The following RAI14 variants were observed in gnomAD, a reference collection of about 807,000 sequenced individuals.
RAI14 encodes retinoic acid induced 14.
RAI14 carries 45 observed loss-of-function variants against 115.4 expected under a neutral mutation model. The observed-to-expected ratio is 0.39, with a 90% CI of 0.31 to 0.50. The LOEUF (loss-of-function observed/expected upper bound fraction) is 0.50. Among genes scored for constraint, RAI14 ranks in the 20% least tolerant of loss-of-function variants. RAI14 has a pLI of 0.85. For synonymous variants in RAI14, 371 were observed against 415.4 expected (o/e 0.89, Z 1.30); for missense variants, 939 against 1,131.2 (o/e 0.83, Z 2.44).
chr5:34,686,821 A>G lies in RAI14; in HGVS notation c.-48-51A>G. 4.8e-6 allele frequency: 6 copies of G among 1,245,210 alleles called. No individual in the cohort carries two copies. The South Asian group carries it at 6.5e-5, about 14-fold the overall frequency. The allele number at this position is 1,245,210 out of a possible 1,614,324, so 77.1% of individuals were successfully genotyped here. ...TGACCCAAGTTGTAATCCAATCAGG[A>G]GAGAATACCTTATTTGGAAACCTAC... On this transcript the variant is annotated intron_variant, in intron 1 of 17. Coordinates refer to ENST00000265109, the MANE Select transcript of RAI14 (RefSeq NM_015577.3).
chr5:34,801,062 GT>G (rs1464904518), intron 4 of RAI14, among the ~76,000 whole-genome samples: 1 of 152,206 alleles, frequency 6.6e-6, no homozygotes. Flanking sequence ...CTCATACACA[GT>G]TATGCTTCAT....
chr5:34,685,207 C>T (rs1312579615), intron 1 of RAI14: 1 of 145,816 alleles, frequency 6.9e-6, no homozygotes, highest in East Asian at 1.9e-4. Flanking sequence ...TATAGTGAGA[C>T]CCCATTCGCC....
rs1183364462 is a variant in RAI14, at chr5:34,687,596, AT to A, written c.36+648del. The A allele has an allele frequency of 6.6e-6, 10 of 1,515,630 alleles. No homozygotes were observed. In the East Asian group the frequency reaches 9.9e-5, roughly 15 times the overall value. The allele number at this position is 1,515,630 out of a possible 1,614,324, so 93.9% of individuals were successfully genotyped here. On this transcript the variant is annotated intron_variant, in intron 2 of 17. Coordinates refer to ENST00000265109, the MANE Select transcript of RAI14 (RefSeq NM_015577.3). ...TAGCAGAGGGGTTGTACACGATAAT[AT>A]TTTTTTAAAAGGTCACCCCATAAAC...
intron 2 of RAI14, among the ~76,000 whole-genome samples, chr5:34,729,317 C>G (rs1743884307): frequency 6.6e-6 from 1 of 152,160 alleles, no homozygotes; most frequent in African/African-American, 2.4e-5. Flanking sequence ...CCACTGCCCT[C>G]CAGCCTGAGT....
intron 1 of RAI14, among the ~76,000 whole-genome samples, chr5:34,680,490 C>T (rs1373553599): frequency 6.6e-6 from 1 of 152,188 alleles, no homozygotes; most frequent in African/African-American, 2.4e-5. Context: ...ACCCTCATGA[C>T]CCAATCATTC....
At chr5:34,670,922 A>G (rs1351845091) in intron 1 of RAI14, among the ~76,000 whole-genome samples, 2 of 152,212 alleles carry the variant, frequency 1.3e-5, no homozygotes, top group Non-Finnish European at 1.5e-5. Context: ...AGCATGAAGC[A>G]ATGGTATAGT....
rs1407353886 is a variant in RAI14, at chr5:34,774,375, TAAAC to T, written c.167+16789_167+16792del. ...GACAGAGTGAGACTCTGCACAAAAA[TAAAC>T]AAACAAACAAAAAAACTGATAAGCA... On this transcript the variant is annotated intron_variant, in intron 3 of 17. Coordinates refer to ENST00000265109, the MANE Select transcript of RAI14 (RefSeq NM_015577.3). Among the ~76,000 whole-genome samples the T allele has an allele frequency of 1.2e-4, 18 of 151,540 alleles. 1 individual carries two copies. The highest frequency in any genetic ancestry group is 8.4e-4 in the South Asian group (4 of 4,756).
chr5:34,709,781 G>A (rs1187941868), intron 2 of RAI14, among the ~76,000 whole-genome samples: 1 of 152,154 alleles, frequency 6.6e-6, no homozygotes, highest in Non-Finnish European at 1.5e-5. Flanking sequence ...AAAATGTTTA[G>A]AAGCACTGAT....
At chr5:34,722,928 A>G (rs944066652) in intron 2 of RAI14, among the ~76,000 whole-genome samples, 3 of 151,474 alleles carry the variant, frequency 2.0e-5, no homozygotes, top group African/African-American at 4.9e-5. Flanking sequence ...AAATGTATAA[A>G]TAAATTAAAA....
intron 4 of RAI14, among the ~76,000 whole-genome samples, chr5:34,798,434 C>A (rs866649331): frequency 4.6e-5 from 7 of 151,784 alleles, no homozygotes; most frequent in Non-Finnish European, 4.4e-5. Context: ...AGTTCCTACT[C>A]CTATCAGAAA....
At chr5:34,709,629 C>T (rs1366769948) in intron 2 of RAI14, among the ~76,000 whole-genome samples, 1 of 152,212 alleles carries the variant, frequency 6.6e-6, no homozygotes, top group East Asian at 1.9e-4. Flanking sequence ...CTTAACCCCA[C>T]TGCACATTAA....
intron 3 of RAI14, among the ~76,000 whole-genome samples, chr5:34,779,730 A>G (rs1234311962): frequency 6.6e-6 from 1 of 152,244 alleles, no homozygotes; most frequent in Admixed American, 6.5e-5. Flanking sequence ...GGACACAAAC[A>G]AATGGAAGAA....
intron 2 of RAI14, among the ~76,000 whole-genome samples, chr5:34,700,200 T>C (rs1739883210): frequency 6.6e-6 from 1 of 152,218 alleles, no homozygotes; most frequent in South Asian, 2.1e-4. Flanking sequence ...GAAGGTTTGG[T>C]GCACAGTTTT....
At chr5:34,756,177 T>C (rs1747853075) in intron 2 of RAI14, among the ~76,000 whole-genome samples, 1 of 152,180 alleles carries the variant, frequency 6.6e-6, no homozygotes, top group Admixed American at 6.5e-5. Flanking sequence ...GACTGAGACA[T>C]CTGATGGACA....
chr5:34,657,980 A>C (rs537572036), intron 1 of RAI14, among the ~76,000 whole-genome samples: 1 of 152,304 alleles, frequency 6.6e-6, no homozygotes, highest in South Asian at 2.1e-4. Context: ...TGGGTTTGTA[A>C]GACAGTTGAT....
chr5:34,750,856 T>TTTTTTG (rs1413409315), intron 2 of RAI14, among the ~76,000 whole-genome samples: 1 of 142,498 alleles, frequency 7.0e-6, no homozygotes, highest in African/African-American at 2.7e-5. Flanking sequence ...TCATTTTTTT[T>TTTTTTG]TTTTTTTTTT....
intron 2 of RAI14, among the ~76,000 whole-genome samples, chr5:34,714,812 C>T (rs141895773): frequency 7.9e-4 from 120 of 152,250 alleles, no homozygotes; most frequent in African/African-American, 2.8e-3. Context: ...TTAAGATTAG[C>T]ATTGCAGTAG....
chr5:34,759,587 G>A (rs1748354959), intron 3 of RAI14, among the ~76,000 whole-genome samples: 2 of 152,110 alleles, frequency 1.3e-5, no homozygotes, highest in African/African-American at 2.4e-5. Flanking sequence ...ATCTGTCAGT[G>A]TCTCCCATCA....
At chr5:34,777,446 A>G (rs1751004598) in intron 3 of RAI14, among the ~76,000 whole-genome samples, 1 of 152,152 alleles carries the variant, frequency 6.6e-6, no homozygotes. Context: ...ACATGTTCTC[A>G]CTAACATGTG....
Sources: gnomAD v4.1 joint callset for allele counts (sites outside exome capture counted in the v4.1 genomes callset) on GRCh38, gnomAD v4.1.1 for gene constraint, MANE v1.5 for transcripts, NCBI Gene and HGNC (gene_info 2026-07-23, HGNC 2026-07-21) for gene names.